Variants in BAZ2B observed in about 807,000 individuals in gnomAD.
The protein encoded by BAZ2B is bromodomain adjacent to zinc finger domain protein 2B.
Under a neutral mutation model 246.0 loss-of-function variants are expected in BAZ2B, and 91 were observed. The observed-to-expected ratio is 0.37, with a 90% CI of 0.31 to 0.44. The LOEUF is 0.44. Among genes scored for constraint, BAZ2B ranks in the 20% least tolerant of loss-of-function variants. The pLI is 1.00. For synonymous variants in BAZ2B, 855 were observed against 860.0 expected (o/e 0.99, Z 0.10); for missense variants, 2,332 against 2,533.7 (o/e 0.92, Z 1.71).
chr2:159,559,236 CTGT>C (rs2089570250), intron 1 of BAZ2B, among the ~76,000 whole-genome samples: 1 of 150,346 alleles, frequency 6.7e-6, no homozygotes, highest in Non-Finnish European at 1.5e-5. Flanking sequence ...AGGAGTAACC[CTGT>C]TAAAAAAAAA....
the BAZ2B span, among the ~76,000 whole-genome samples, chr2:159,622,409 G>A: frequency 2.6e-5 from 4 of 151,714 alleles, no homozygotes; most frequent in African/African-American, 9.7e-5. Flanking sequence ...ACCTATACAA[G>A]TACTAAAAAA....
intron 19 of BAZ2B, chr2:159,396,977 C>T: frequency 1.0e-6 from 1 of 967,158 alleles, no homozygotes; most frequent in East Asian, 6.1e-5. Context: ...TGTAATATGA[C>T]AGCAGCCAGT....
intron 2 of BAZ2B, among the ~76,000 whole-genome samples, chr2:159,540,326 T>C (rs781599090): frequency 2.0e-5 from 3 of 152,224 alleles, no homozygotes; most frequent in Non-Finnish European, 4.4e-5. Flanking sequence ...CAACTTTCCA[T>C]CTGATAGCTT....
intron 9 of BAZ2B, 94 bp from the exon 10 acceptor site, chr2:159,431,250 C>A (rs1035906802): frequency 3.4e-6 from 5 of 1,469,918 alleles, no homozygotes; most frequent in African/African-American, 2.8e-5. Flanking sequence ...GAACCAGCAC[C>A]TGTGAATGAG....
intron 27 of BAZ2B, among the ~76,000 whole-genome samples, chr2:159,360,021 A>C (rs57113482): frequency 0.019 from 2,834 of 152,294 alleles, 88 homozygotes; most frequent in African/African-American, 0.065. Context: ...CAAAAGCTGG[A>C]AGCATTCCCT....
the BAZ2B span, among the ~76,000 whole-genome samples, chr2:159,709,227 G>T: frequency 2.6e-5 from 4 of 151,818 alleles, no homozygotes; most frequent in Non-Finnish European, 4.4e-5. Context: ...GCCGAGGCAG[G>T]CAGATCACCT....
At chr2:159,626,577 TAAC>T in the BAZ2B span, among the ~76,000 whole-genome samples, 2 of 152,042 alleles carry the variant, frequency 1.3e-5, no homozygotes, top group Non-Finnish European at 2.9e-5. Flanking sequence ...ACTGGGTAAA[TAAC>T]AACATTAAGG....
At position 159,507,351 on chromosome 2, in the gene BAZ2B, T is replaced by G. The variant is rs1302467363; in HGVS notation, c.-2-28630A>C. 3.9e-5 allele frequency among the ~76,000 whole-genome samples: 6 copies of G among 151,962 alleles called. No homozygotes were observed. In the East Asian group the frequency reaches 1.2e-3, roughly 29 times the overall value. On this transcript the variant is annotated intron_variant, in intron 2 of 36. Transcript: ENST00000392783. ...TAATGAAAGTTAGGCTTCAAACAAC[T>G]ACGACAGTGAGGAGGTTAAAAAAAA... is the stretch of plus-strand genomic sequence containing the variant.
chr2:159,351,119 C>A (rs1277965135), intron 27 of BAZ2B, among the ~76,000 whole-genome samples: 1 of 152,040 alleles, frequency 6.6e-6, no homozygotes, highest in Non-Finnish European at 1.5e-5. Flanking sequence ...ACAAGCTGTA[C>A]TACACAGCAA....
intron 19 of BAZ2B, 127 bp downstream of exon 19, chr2:159,397,217 AG>A: frequency 8.0e-7 from 1 of 1,247,998 alleles, no homozygotes; most frequent in South Asian, 1.4e-5. Context: ...TGTAGGTTGA[AG>A]GAAAAACTTA....
At chr2:159,448,613 G>A (rs776526255) in intron 4 of BAZ2B, among the ~76,000 whole-genome samples, 6 of 152,128 alleles carry the variant, frequency 3.9e-5, no homozygotes, top group Non-Finnish European at 8.8e-5. Flanking sequence ...CAGTATCTAA[G>A]GATCTTCACT....
At position 159,423,314 on chromosome 2, in the gene BAZ2B, T is replaced by TAAACAAAC. The variant is rs60596753; in HGVS notation, c.2466+4619_2466+4626dup. ...CTGGGTGACAGAGCAAGACTCTATC[T>TAAACAAAC]AAACAAACAAACAAACAAAAGAATG... is the stretch of plus-strand genomic sequence containing the variant. On this transcript the variant is annotated intron_variant, in intron 13 of 36. Transcript: ENST00000392783. Among the ~76,000 whole-genome samples the TAAACAAAC allele has an allele frequency of 8.3e-4, 125 of 151,214 alleles. 1 individual carries two copies. Among genetic ancestry groups the TAAACAAAC allele is most frequent in the African/African-American group, 1.1e-3 (45 of 41,132 alleles).
chr2:159,574,160 C>T (rs1270426560), intron 1 of BAZ2B, among the ~76,000 whole-genome samples: 1 of 151,650 alleles, frequency 6.6e-6, no homozygotes, highest in African/African-American at 2.4e-5. Flanking sequence ...CACACACACA[C>T]ACACACACAC....
At chr2:159,704,611 T>C in the BAZ2B span, among the ~76,000 whole-genome samples, 1 of 151,784 alleles carries the variant, frequency 6.6e-6, no homozygotes, top group Non-Finnish European at 1.5e-5. Context: ...GCCTCCTGAG[T>C]AGCTGAGATT....
chr2:159,374,816 T>C lies in BAZ2B; in HGVS notation c.4006-63A>G, dbSNP rs565619135. The C allele has an allele frequency of 3.4e-6, 5 of 1,476,050 alleles. No homozygotes were observed. The South Asian group carries it at 5.8e-5, about 17-fold the overall frequency. 91.4% of individuals were successfully genotyped at this position (1,476,050 alleles called of 1,614,324 possible). A position where few individuals can be genotyped will look rare whatever the true frequency, so the allele number is the denominator to read the frequency against. On this transcript the variant is annotated intron_variant, in intron 25 of 36. Coordinates refer to ENST00000392783, the MANE Select transcript of BAZ2B (RefSeq NM_013450.4). ...AAGATTTATTTATTCAATCAGTAAA[T>C]ATTTAATGAAAGTCTCCTATAGGCA... is the stretch of plus-strand genomic sequence containing the variant.
At chr2:159,655,365 C>CT in the BAZ2B span, among the ~76,000 whole-genome samples, 1 of 152,224 alleles carries the variant, frequency 6.6e-6, no homozygotes, top group African/African-American at 2.4e-5. Context: ...ACCTCCAGGA[C>CT]TTTAAATATG....
intron 1 of BAZ2B, among the ~76,000 whole-genome samples, chr2:159,601,709 G>A (rs1308077550): frequency 6.6e-6 from 1 of 152,074 alleles, no homozygotes; most frequent in Non-Finnish European, 1.5e-5. Context: ...CGACAGGAGC[G>A]AAACTCTGTC....
At chr2:159,678,063 A>G in the BAZ2B span, among the ~76,000 whole-genome samples, 1 of 152,252 alleles carries the variant, frequency 6.6e-6, no homozygotes, top group African/African-American at 2.4e-5. Flanking sequence ...TACAGTTAGA[A>G]TGGAATGGAA....
chr2:159,677,649 T>C, the BAZ2B span, among the ~76,000 whole-genome samples: 1 of 152,252 alleles, frequency 6.6e-6, no homozygotes, highest in East Asian at 1.9e-4. Flanking sequence ...ATTGCAACAA[T>C]GGAGAGTCAT....
Sources: allele counts gnomAD v4.1 joint callset (sites outside exome capture counted in the v4.1 genomes callset), GRCh38; gene constraint gnomAD v4.1.1; transcripts MANE v1.5; gene names NCBI Gene and HGNC (gene_info 2026-07-23, HGNC 2026-07-21).